The following COG6 variants were observed in gnomAD, a reference collection of about 807,000 sequenced individuals.
COG6 encodes component of oligomeric golgi complex 6.
Under a neutral mutation model 88.8 loss-of-function variants are expected in COG6, and 74 were observed. That is an observed-to-expected ratio of 0.83 (90% CI 0.69 to 1.01). The LOEUF (loss-of-function observed/expected upper bound fraction) is 1.01, where lower values mean the gene tolerates loss of function less well. Ranked by LOEUF, COG6 falls within the 50% of genes least tolerant of loss-of-function variation. The probability of loss-of-function intolerance (pLI) is 0.00; values close to 1 mark genes in which losing one functional copy is unlikely to be tolerated. For missense variants in COG6, 800 were observed against 797.9 expected (o/e 1.00, Z -0.03); for synonymous variants, 286 against 278.7 (o/e 1.03, Z -0.26).
intron 13 of COG6, among the ~76,000 whole-genome samples, chr13:39,710,844 CT>C (rs11288000): frequency 0.92 from 136,764 of 147,892 alleles, 62,867 homozygotes; most frequent in East Asian, 1. Flanking sequence ...TGGTTCTTTT[CT>C]TTTTTTTTTT....
chr13:39,740,499 G>T (rs1345622043), intron 18 of COG6, among the ~76,000 whole-genome samples: 1 of 152,120 alleles, frequency 6.6e-6, no homozygotes, highest in Non-Finnish European at 1.5e-5. Flanking sequence ...CAAAAAATTT[G>T]TAAGAAGTAG....
At chr13:39,791,160 G>T (rs1246251010) in exon 19 of COG6, 1 of 151,990 alleles carries the variant, frequency 6.6e-6, no homozygotes, top group Non-Finnish European at 1.5e-5. Context: ...CAAACAGACA[G>T]ACACCCACTT....
intron 7 of COG6, among the ~76,000 whole-genome samples, chr13:39,681,554 T>G (rs1876317632): frequency 6.6e-6 from 1 of 152,202 alleles, no homozygotes; most frequent in Non-Finnish European, 1.5e-5. Flanking sequence ...CAGTGCATGC[T>G]AGAAAGTATA....
At chr13:39,679,245 A>C (rs1241390698) in intron 5 of COG6, 1 of 394,250 alleles carries the variant, frequency 2.5e-6, no homozygotes, top group Admixed American at 4.1e-5. Context: ...TCACTAGACT[A>C]CGTACACTTC....
chr13:39,725,292 CTT>C (rs143490170), intron 17 of COG6, among the ~76,000 whole-genome samples: 3,154 of 151,868 alleles, frequency 0.021, 126 homozygotes, highest in African/African-American at 0.072. Context: ...TGTATTAACT[CTT>C]TAATCCTCAT....
At chr13:39,708,140 A>G (rs536386862) in intron 13 of COG6, among the ~76,000 whole-genome samples, 14 of 152,270 alleles carry the variant, frequency 9.2e-5, no homozygotes, top group African/African-American at 2.9e-4. Context: ...ATGGTGATGA[A>G]CAATTTTTCA....
chr13:39,660,317 T>G (rs1400938952), intron 2 of COG6, among the ~76,000 whole-genome samples: 1 of 152,118 alleles, frequency 6.6e-6, no homozygotes, highest in East Asian at 1.9e-4. Context: ...CACCTCAGTT[T>G]CCCAAGTAAC....
chr13:39,670,912 T>C (rs1428400253), intron 4 of COG6, among the ~76,000 whole-genome samples: 1 of 152,132 alleles, frequency 6.6e-6, no homozygotes, highest in Non-Finnish European at 1.5e-5. Flanking sequence ...AAACTTTATC[T>C]TGCATAAATG....
chr13:39,712,714 A>C (rs1231808004), intron 13 of COG6, among the ~76,000 whole-genome samples: 1 of 152,202 alleles, frequency 6.6e-6, no homozygotes, highest in Non-Finnish European at 1.5e-5. Context: ...TTTGAATATA[A>C]CCAGTTATTT....
At chr13:39,668,394 CT>C (rs1169989192) in intron 4 of COG6, among the ~76,000 whole-genome samples, 7 of 152,184 alleles carry the variant, frequency 4.6e-5, no homozygotes, top group Admixed American at 2.6e-4. Flanking sequence ...TCTCCCCTAC[CT>C]TAATTCTCTC....
At chr13:39,745,897 G>A (rs1052027477) in intron 18 of COG6, among the ~76,000 whole-genome samples, 1 of 152,242 alleles carries the variant, frequency 6.6e-6, no homozygotes, top group Middle Eastern at 3.4e-3. Context: ...AGAATACTAT[G>A]CAGCCATAAA....
intron 18 of COG6, among the ~76,000 whole-genome samples, chr13:39,770,525 A>G (rs1219582256): frequency 1.3e-5 from 2 of 152,190 alleles, no homozygotes; most frequent in Admixed American, 6.5e-5. Context: ...GTCTTCTGTC[A>G]CTGGATCCAG....
At chr13:39,719,857 T>C in intron 15 of COG6, 30 bp downstream of exon 15, 2 of 1,547,800 alleles carry the variant, frequency 1.3e-6, no homozygotes, top group South Asian at 1.1e-5. Flanking sequence ...GACTATTGAC[T>C]ATGATTGAAT....
Position 39,751,804 on chromosome 13 carries a change from A to G in COG6, c.*711A>G, listed in dbSNP as rs1880649593. On this transcript the variant is annotated 3_prime_UTR_variant, in exon 19 of 19. Coordinates refer to ENST00000455146, the MANE Select transcript of COG6 (RefSeq NM_020751.3). ...GGATTCCACTCTGTGGGAGCCTTCG[A>G]TGGAACTCAAGGTGGAGCTCAGCCT... 7.8e-7 allele frequency: 1 copy of G among 1,287,086 alleles called. No individual in the cohort carries two copies. Among genetic ancestry groups the G allele is most frequent in the African/African-American group, 1.5e-5 (1 of 65,784 alleles). The allele number at this position is 1,287,086 out of a possible 1,614,324, so 79.7% of individuals were successfully genotyped here. A position where few individuals can be genotyped will look rare whatever the true frequency, so the allele number is the denominator to read the frequency against.
At position 39,752,156 on chromosome 13, in the gene COG6, A is replaced by T; in HGVS notation, c.*1063A>T. On this transcript the variant is annotated 3_prime_UTR_variant, in exon 19 of 19. Coordinates refer to ENST00000455146, the MANE Select transcript of COG6 (RefSeq NM_020751.3). ...TTGACATTCTTGTCAGCAAAAAAAA[A>T]CTTAATTTCTAGTAAATCTATAAAA... is the stretch of plus-strand genomic sequence containing the variant. 9.9e-7 allele frequency: 1 copy of T among 1,013,754 alleles called. No homozygotes were observed. The highest frequency in any genetic ancestry group is 1.3e-6 in the Non-Finnish European group (1 of 769,908). 62.8% of individuals were successfully genotyped at this position (1,013,754 alleles called of 1,614,324 possible).
chr13:39,685,575 G>T (rs910936037), intron 8 of COG6, among the ~76,000 whole-genome samples: 3 of 152,184 alleles, frequency 2.0e-5, no homozygotes, highest in Middle Eastern at 3.4e-3. Flanking sequence ...AAATTATGCT[G>T]TTTATTTTTA....
intron 13 of COG6, among the ~76,000 whole-genome samples, chr13:39,703,140 A>C (rs1877679674): frequency 6.6e-6 from 1 of 152,168 alleles, no homozygotes; most frequent in Non-Finnish European, 1.5e-5. Flanking sequence ...CAGGAGGTCC[A>C]GCAAATACTG....
chr13:39,741,521 A>C (rs1880042218), intron 18 of COG6, among the ~76,000 whole-genome samples: 1 of 152,192 alleles, frequency 6.6e-6, no homozygotes, highest in Admixed American at 6.6e-5. Context: ...ATTGAAGATC[A>C]AATTAATGAA....
intron 3 of COG6, among the ~76,000 whole-genome samples, chr13:39,661,218 G>A (rs994631730): frequency 5.9e-5 from 9 of 152,082 alleles, no homozygotes; most frequent in African/African-American, 2.2e-4. Context: ...TCACACTAAA[G>A]CTGTGCCTGA....
Sources: gnomAD v4.1 joint callset for allele counts (sites outside exome capture counted in the v4.1 genomes callset) on GRCh38, gnomAD v4.1.1 for gene constraint, MANE v1.5 for transcripts, NCBI Gene and HGNC (gene_info 2026-07-23, HGNC 2026-07-21) for gene names.